The following EML4 variants were observed in gnomAD, a reference collection of about 807,000 sequenced individuals.
EML4 encodes the protein echinoderm microtubule-associated protein-like 4.
A neutral mutation model predicts 129.0 loss-of-function variants in EML4; 72 were observed. The observed-to-expected ratio is 0.56, with a 90% CI of 0.46 to 0.68. EML4 has a LOEUF of 0.68. Among genes scored for constraint, EML4 ranks in the 30% least tolerant of loss-of-function variants. EML4 has a pLI of 0.00. For synonymous variants in EML4, 532 were observed against 405.0 expected (o/e 1.31, Z -3.77); for missense variants, 1,363 against 1,190.6 (o/e 1.14, Z -2.13).
chr2:42,207,212 A>G (rs1672609615), intron 1 of EML4, among the ~76,000 whole-genome samples: 1 of 152,212 alleles, frequency 6.6e-6, no homozygotes, highest in African/African-American at 2.4e-5. Flanking sequence ...GTTTTATAAA[A>G]GTAATTTTTA....
intron 7 of EML4, 112 bp downstream of exon 7, chr2:42,281,085 A>C: frequency 1.1e-6 from 1 of 915,248 alleles, no homozygotes; most frequent in Non-Finnish European, 1.6e-6. Flanking sequence ...AGTAACAGCT[A>C]CTTAAAAAAT....
chr2:42,179,223 G>C (rs1331226549), intron 1 of EML4, among the ~76,000 whole-genome samples: 2 of 150,506 alleles, frequency 1.3e-5, no homozygotes, highest in East Asian at 1.9e-4. Flanking sequence ...TTAAACTCCA[G>C]ATGGGGAACA....
intron 6 of EML4, among the ~76,000 whole-genome samples, chr2:42,266,183 T>C (rs1396687305): frequency 6.6e-6 from 1 of 152,256 alleles, no homozygotes; most frequent in Non-Finnish European, 1.5e-5. Context: ...TTAGGTCATT[T>C]GTTTTTACAT....
intron 1 of EML4, among the ~76,000 whole-genome samples, chr2:42,214,884 A>G (rs1673090710): frequency 6.6e-6 from 1 of 152,158 alleles, no homozygotes; most frequent in African/African-American, 2.4e-5. Flanking sequence ...TGCAAGACTT[A>G]TTCATATCTA....
At chr2:42,188,986 T>G (rs1485374611) in intron 1 of EML4, among the ~76,000 whole-genome samples, 6 of 152,184 alleles carry the variant, frequency 3.9e-5, no homozygotes, top group African/African-American at 1.4e-4. Context: ...CATGGACTTT[T>G]TAAAGTTCCA....
intron 13 of EML4, among the ~76,000 whole-genome samples, chr2:42,299,758 C>T (rs952417828): frequency 1.3e-5 from 2 of 152,244 alleles, no homozygotes; most frequent in African/African-American, 4.8e-5. Context: ...GGTGCGATTT[C>T]GGCTCACTGA....
rs1193313074 is a variant in EML4 at position 42,169,478 on chromosome 2, CG to C, written c.-132del. On this transcript the variant is annotated 5_prime_UTR_variant, in exon 1 of 23. Coordinates refer to ENST00000318522, the MANE Select transcript of EML4 (RefSeq NM_019063.5). Reference sequence around the variant, plus strand: ...TACCCCAGGGCGAACGGACGGACGACGGAGGCGGGAGCCGGTAGCCGAGCCG... The same window carrying C: ...TACCCCAGGGCGAACGGACGGACGACGAGGCGGGAGCCGGTAGCCGAGCCG... 9.6e-7 allele frequency: 1 copy of C among 1,046,284 alleles called. No individual in the cohort carries two copies. The highest frequency in any genetic ancestry group is 2.9e-5 in the East Asian group (1 of 33,940). 64.8% of individuals were successfully genotyped at this position (1,046,284 alleles called of 1,614,324 possible). A position where few individuals can be genotyped will look rare whatever the true frequency, so the allele number is the denominator to read the frequency against.
At chr2:42,301,609 CA>C (rs1668291453) in intron 14 of EML4, among the ~76,000 whole-genome samples, 1 of 151,002 alleles carries the variant, frequency 6.6e-6, no homozygotes, top group South Asian at 2.1e-4. Context: ...AAAGATTAGG[CA>C]GAATAATTTG....
At chr2:42,225,931 T>G (rs1023272588) in intron 1 of EML4, among the ~76,000 whole-genome samples, 13 of 152,202 alleles carry the variant, frequency 8.5e-5, no homozygotes, top group Non-Finnish European at 1.5e-5. Context: ...AATTAGTCAC[T>G]CAATAAATGT....
At chr2:42,285,640 C>T (rs1667258349) in intron 9 of EML4, among the ~76,000 whole-genome samples, 1 of 150,582 alleles carries the variant, frequency 6.6e-6, no homozygotes, top group Non-Finnish European at 1.5e-5. Context: ...GCTCTGTCTC[C>T]CAGGCTGGAG....
chr2:42,325,832 T>C (rs190116012), intron 20 of EML4, among the ~76,000 whole-genome samples: 16 of 151,622 alleles, frequency 1.1e-4, no homozygotes, highest in African/African-American at 3.1e-4. Flanking sequence ...AAGGCACATA[T>C]AGTAATAAGA....
chr2:42,259,070 A>C (rs1665541817), intron 3 of EML4, among the ~76,000 whole-genome samples: 2 of 152,268 alleles, frequency 1.3e-5, no homozygotes, highest in Admixed American at 1.3e-4. Context: ...AACATGGTGT[A>C]ACCCCATCTC....
At chr2:42,259,054 C>T (rs1456909204) in intron 3 of EML4, among the ~76,000 whole-genome samples, 1 of 152,084 alleles carries the variant, frequency 6.6e-6, no homozygotes, top group Non-Finnish European at 1.5e-5. Flanking sequence ...TGAGACCAGT[C>T]TGGCCAACAT....
intron 17 of EML4, among the ~76,000 whole-genome samples, chr2:42,315,743 C>T (rs1472441859): frequency 2.6e-5 from 4 of 151,916 alleles, no homozygotes; most frequent in South Asian, 2.1e-4. Flanking sequence ...TAGCCAGGCA[C>T]GGTGGTATGC....
intron 1 of EML4, among the ~76,000 whole-genome samples, chr2:42,232,208 G>A (rs1674390796): frequency 6.6e-6 from 1 of 152,052 alleles, no homozygotes; most frequent in Non-Finnish European, 1.5e-5. Flanking sequence ...AAATGGCCAG[G>A]GTACATAATA....
intron 1 of EML4, among the ~76,000 whole-genome samples, chr2:42,224,188 T>A (rs1673802660): frequency 6.6e-6 from 1 of 152,136 alleles, no homozygotes; most frequent in Non-Finnish European, 1.5e-5. Context: ...AAATCCTGTA[T>A]CCTTTAGCAG....
intron 19 of EML4, among the ~76,000 whole-genome samples, chr2:42,320,983 G>A (rs768405311): frequency 6.6e-6 from 1 of 152,100 alleles, no homozygotes; most frequent in African/African-American, 2.4e-5. Context: ...GAAAAAAAGA[G>A]TAAACACTTT....
At chr2:42,288,422 G>A (rs903880219) in intron 11 of EML4, 100 bp downstream of exon 11, 12 of 524,118 alleles carry the variant, frequency 2.3e-5, no homozygotes, top group African/African-American at 5.8e-5. Flanking sequence ...TTCGTAAGTC[G>A]CAAAAGCAGA....
intron 1 of EML4, among the ~76,000 whole-genome samples, chr2:42,243,226 A>G (rs909669952): frequency 2.0e-5 from 3 of 152,218 alleles, no homozygotes; most frequent in African/African-American, 7.2e-5. Flanking sequence ...ACAAAAGACA[A>G]GAGTGGCTAT....
Sources: gnomAD v4.1 joint callset for allele counts (sites outside exome capture counted in the v4.1 genomes callset) on GRCh38, gnomAD v4.1.1 for gene constraint, MANE v1.5 for transcripts, NCBI Gene and HGNC (gene_info 2026-07-23, HGNC 2026-07-21) for gene names.